WWOX: variants seen among roughly 807,000 people sequenced by gnomAD.
WWOX encodes WW domain containing oxidoreductase.
WWOX carries 69 observed loss-of-function variants against 46.2 expected under a neutral mutation model. The ratio of observed to expected loss-of-function variants is 1.49; its 90% CI spans 1.23 to 1.82. The LOEUF (loss-of-function observed/expected upper bound fraction) is 1.82. WWOX is among the 40% of genes most tolerant of loss of function. The pLI, the probability that WWOX is intolerant of heterozygous loss-of-function variation, is 0.00. For missense variants in WWOX, 919 were observed against 542.6 expected (o/e 1.69, Z -6.89); for synonymous variants, 359 against 202.6 (o/e 1.77, Z -6.56).
At chr16:78,346,416 G>A (rs1373848148) in intron 5 of WWOX, among the ~76,000 whole-genome samples, 2 of 76,844 alleles carry the variant, frequency 2.6e-5, no homozygotes, top group East Asian at 2.2e-4. Context: ...ATAATACTCT[G>A]GAGTGGAATG....
chr16:78,875,387 C>T (rs1477832633), intron 8 of WWOX, among the ~76,000 whole-genome samples: 1 of 152,184 alleles, frequency 6.6e-6, no homozygotes, highest in Non-Finnish European at 1.5e-5. Flanking sequence ...TTTCCAGTGT[C>T]TAGTCCAAAT....
chr16:78,931,882 TG>T (rs936782813), intron 8 of WWOX, among the ~76,000 whole-genome samples: 1 of 152,166 alleles, frequency 6.6e-6, no homozygotes, highest in African/African-American at 2.4e-5. Context: ...AATTGGATCA[TG>T]GGGGTGGGTC....
chr16:78,649,261 A>C (rs935919261), intron 8 of WWOX, among the ~76,000 whole-genome samples: 3 of 152,212 alleles, frequency 2.0e-5, no homozygotes, highest in African/African-American at 7.2e-5. Context: ...CTGGGATTAC[A>C]GGCGTGAGCC....
At chr16:78,757,200 T>C (rs1377523346) in intron 8 of WWOX, among the ~76,000 whole-genome samples, 2 of 152,182 alleles carry the variant, frequency 1.3e-5, no homozygotes, top group Admixed American at 1.3e-4. Flanking sequence ...AATTATTGTT[T>C]CAGCCCACTT....
At chr16:79,095,639 A>G (rs1321211355) in intron 8 of WWOX, among the ~76,000 whole-genome samples, 1 of 152,170 alleles carries the variant, frequency 6.6e-6, no homozygotes, top group Non-Finnish European at 1.5e-5. Flanking sequence ...GGACATGAGT[A>G]GGCTCTAACC....
At chr16:78,303,065 T>C (rs2080069610) in intron 5 of WWOX, among the ~76,000 whole-genome samples, 1 of 152,248 alleles carries the variant, frequency 6.6e-6, no homozygotes, top group African/African-American at 2.4e-5. Context: ...GTTTTCCCTT[T>C]AAAACAGGGA....
chr16:79,084,612 A>G (rs1411184164), intron 8 of WWOX, among the ~76,000 whole-genome samples: 1 of 152,068 alleles, frequency 6.6e-6, no homozygotes, highest in African/African-American at 2.4e-5. Flanking sequence ...ATGGGGTTTC[A>G]CCATATTGGT....
At chr16:78,995,121 G>C (rs565205155) in intron 8 of WWOX, among the ~76,000 whole-genome samples, 2 of 152,008 alleles carry the variant, frequency 1.3e-5, no homozygotes, top group South Asian at 4.2e-4. Context: ...GTTTGTCTTG[G>C]CTCTGATCAC....
At chr16:79,030,216 A>T (rs1190074811) in intron 8 of WWOX, among the ~76,000 whole-genome samples, 1 of 152,206 alleles carries the variant, frequency 6.6e-6, no homozygotes, top group East Asian at 1.9e-4. Flanking sequence ...CATTGTAATT[A>T]TTTTGTATTA....
At chr16:78,640,364 C>G (rs922463723) in intron 8 of WWOX, among the ~76,000 whole-genome samples, 1 of 150,432 alleles carries the variant, frequency 6.6e-6, no homozygotes, top group Non-Finnish European at 1.5e-5. Context: ...CCACTCAAGT[C>G]GGCCGCTCTG....
At chr16:79,090,156 A>G (rs1039452687) in intron 8 of WWOX, 1 of 152,130 alleles carries the variant, frequency 6.6e-6, no homozygotes, top group Non-Finnish European at 1.5e-5. Context: ...TTTATGACCA[A>G]CAATTAATGT....
chr16:78,661,303 C>T (rs534349141), intron 8 of WWOX, among the ~76,000 whole-genome samples: 5 of 152,284 alleles, frequency 3.3e-5, no homozygotes, highest in Non-Finnish European at 7.4e-5. Context: ...AGTCAGCAAT[C>T]AGCACGCCAT....
chr16:78,423,131 T>G (rs2151958606), intron 6 of WWOX, among the ~76,000 whole-genome samples: 1 of 152,194 alleles, frequency 6.6e-6, no homozygotes, highest in Non-Finnish European at 1.5e-5. Flanking sequence ...GTGATTTGCC[T>G]GCCTCAGCCT....
rs528255051 is a variant in WWOX at position 79,029,277 on chromosome 16, A to G, written c.1057-182331A>G. Among the ~76,000 whole-genome samples the G allele has an allele frequency of 2.6e-5, 4 of 152,174 alleles. No homozygotes were observed. The South Asian group carries it at 6.2e-4, about 24-fold the overall frequency. On this transcript the variant is annotated intron_variant, in intron 8 of 8. Transcript: ENST00000566780. The stretch of plus-strand genomic sequence containing the variant: ...CTTTGAGTTTTCACGCGGAAACTGG[A>G]TGTTTCTTACATCCTCAGCTGCAGG...
intron 8 of WWOX, among the ~76,000 whole-genome samples, chr16:79,208,338 C>G (rs2051590830): frequency 6.6e-6 from 1 of 151,502 alleles, no homozygotes; most frequent in African/African-American, 2.4e-5. Context: ...CCATGATTAG[C>G]AACCATATAC....
At chr16:78,548,955 C>G (rs1001276770) in intron 8 of WWOX, among the ~76,000 whole-genome samples, 1 of 152,136 alleles carries the variant, frequency 6.6e-6, no homozygotes, top group African/African-American at 2.4e-5. Context: ...AAATATAGCC[C>G]CAAACTGGCA....
intron 8 of WWOX, among the ~76,000 whole-genome samples, chr16:78,457,747 C>T (rs779248011): frequency 6.6e-6 from 1 of 151,912 alleles, no homozygotes; most frequent in Non-Finnish European, 1.5e-5. Flanking sequence ...AACCTCATCT[C>T]TACTAAAAAT....
chr16:79,076,898 T>C (rs2048667569), intron 8 of WWOX, among the ~76,000 whole-genome samples: 1 of 152,256 alleles, frequency 6.6e-6, no homozygotes, highest in Non-Finnish European at 1.5e-5. Flanking sequence ...TTATGCGTAT[T>C]GTCCTGTTTC....
chr16:78,706,149 G>T (rs1295356476), intron 8 of WWOX, among the ~76,000 whole-genome samples: 2 of 144,422 alleles, frequency 1.4e-5, no homozygotes, highest in Non-Finnish European at 3.0e-5. Context: ...CTTAATTAAG[G>T]CATTTCCATC....
Sources: gnomAD v4.1 joint callset for allele counts (sites outside exome capture counted in the v4.1 genomes callset) on GRCh38, gnomAD v4.1.1 for gene constraint, MANE v1.5 for transcripts, NCBI Gene and HGNC (gene_info 2026-07-23, HGNC 2026-07-21) for gene names.